The following DMD variants were observed in gnomAD, a reference collection of about 807,000 sequenced individuals.
The protein encoded by DMD is dystrophin.
A neutral mutation model predicts 330.1 loss-of-function variants in DMD; 63 were observed. The ratio of observed to expected loss-of-function variants is 0.19; its 90% confidence interval spans 0.16 to 0.24. DMD has a LOEUF of 0.24. DMD is among the 10% of genes least tolerant of loss of function. DMD has a pLI of 1.00. For missense variants in DMD, 3,344 were observed against 2,684.1 expected (o/e 1.25, Z -5.43); for synonymous variants, 1,223 against 959.8 (o/e 1.27, Z -5.07).
chrX:32,630,592 G>A (rs1239085661), intron 11 of DMD, among the ~76,000 whole-genome samples: 2 of 110,739 alleles, frequency 1.8e-5, no homozygotes, highest in Non-Finnish European at 3.8e-5. Flanking sequence ...TCTCCTGCTT[G>A]ATCAATTCTT....
At chrX:31,556,978 G>C (rs1034062878) in intron 55 of DMD, among the ~76,000 whole-genome samples, 2 of 112,152 alleles carry the variant, frequency 1.8e-5, no homozygotes. Flanking sequence ...AGATACTGCA[G>C]GGGGCTACGA....
intron 51 of DMD, among the ~76,000 whole-genome samples, chrX:31,772,646 C>A (rs935086899): frequency 7.2e-5 from 8 of 111,294 alleles, no homozygotes; most frequent in African/African-American, 2.6e-4. Context: ...TACGTATACT[C>A]TCTGCAGTAG....
chrX:33,037,015 G>C (rs2147895380), intron 1 of DMD, among the ~76,000 whole-genome samples: 1 of 111,093 alleles, frequency 9.0e-6, no homozygotes, highest in East Asian at 2.8e-4. Context: ...AGAAGGAGAT[G>C]TGACAGAGAG....
At chrX:32,569,272 A>G (rs2052114531) in intron 15 of DMD, among the ~76,000 whole-genome samples, 1 of 112,085 alleles carries the variant, frequency 8.9e-6, no homozygotes, top group South Asian at 3.8e-4. Flanking sequence ...CACTCTCATC[A>G]GGAATACGCA....
Position 32,699,209 on chromosome X carries a change from A to T in DMD, c.734T>A (p.Ile245Asn). The T allele has an allele frequency of 8.3e-7, 1 of 1,209,533 alleles. No individual in the cohort carries two copies. Among genetic ancestry groups the T allele is most frequent in the Non-Finnish European group, 1.1e-6 (1 of 893,567 alleles). ...CATTTCCACTTCCTGGATGGCTTCA[A>T]TGCTCACTTGTTGAGGCAAAACTTG... ...LFQVLPQQVS[I>N]EAIQEVEMLP... Residue 245 changes from isoleucine (I) to asparagine (N), a missense_variant, in exon 8 of 79, where the codon ATT becomes AAT. Physicochemically the swap from Ile to Asn is moderately radical, Grantham distance 149. Transcript: ENST00000357033.
chrX:32,835,928 G>A (rs924473707), intron 4 of DMD, among the ~76,000 whole-genome samples: 1 of 109,724 alleles, frequency 9.1e-6, no homozygotes, highest in Non-Finnish European at 1.9e-5. Flanking sequence ...TTTAAACCAG[G>A]GTTTCTTTTC....
At chrX:32,033,540 C>G (rs1458174176) in intron 44 of DMD, among the ~76,000 whole-genome samples, 3 of 104,544 alleles carry the variant, frequency 2.9e-5, no homozygotes. Flanking sequence ...TGAGTTTTTT[C>G]CAAATTCCTT....
At chrX:31,368,151 G>A (rs1186271572) in intron 60 of DMD, among the ~76,000 whole-genome samples, 4 of 111,844 alleles carry the variant, frequency 3.6e-5, no homozygotes, top group South Asian at 7.5e-4. Flanking sequence ...CATGACATGG[G>A]AGCTTCCTGG....
intron 1 of DMD, among the ~76,000 whole-genome samples, chrX:33,118,081 A>G (rs1342282616): frequency 9.3e-6 from 1 of 107,644 alleles, no homozygotes; most frequent in African/African-American, 3.4e-5. Context: ...TGAGGATATC[A>G]GATGTGTTCA....
intron 1 of DMD, among the ~76,000 whole-genome samples, chrX:33,266,997 G>A (rs1355283264): frequency 9.1e-6 from 1 of 110,206 alleles, no homozygotes. Flanking sequence ...CCTAGCCACA[G>A]CAATTAGGCA....
At chrX:31,585,784 C>A (rs1445264475) in intron 55 of DMD, among the ~76,000 whole-genome samples, 1 of 111,546 alleles carries the variant, frequency 9.0e-6, no homozygotes, top group African/African-American at 3.3e-5. Context: ...ACAATAGTAT[C>A]CCCTGGGAAT....
At chrX:32,274,452 G>A (rs895445921) in intron 43 of DMD, among the ~76,000 whole-genome samples, 1 of 112,118 alleles carries the variant, frequency 8.9e-6, no homozygotes, top group Non-Finnish European at 1.9e-5. Flanking sequence ...ATCTGAAAAT[G>A]TTGAAGATAT....
At chrX:33,205,323 A>G (rs1186946662) in intron 1 of DMD, among the ~76,000 whole-genome samples, 1 of 112,446 alleles carries the variant, frequency 8.9e-6, no homozygotes, top group Non-Finnish European at 1.9e-5. Flanking sequence ...CCAACATAAA[A>G]AGGAATTACT....
At chrX:31,476,397 G>GTGTATATATA (rs796082098) in intron 59 of DMD, among the ~76,000 whole-genome samples, 47 of 88,313 alleles carry the variant, frequency 5.3e-4, no homozygotes, top group African/African-American at 1.9e-3. Context: ...GTGTGTGTGT[G>GTGTATATATA]TATATATATA....
chrX:32,424,591 G>A (rs2098203791), intron 29 of DMD, among the ~76,000 whole-genome samples: 1 of 111,263 alleles, frequency 9.0e-6, no homozygotes. Context: ...AGTAACTCAT[G>A]CTTAGGAGAG....
intron 2 of DMD, among the ~76,000 whole-genome samples, chrX:32,934,934 G>C (rs1157125448): frequency 8.9e-6 from 1 of 112,930 alleles, no homozygotes; most frequent in Non-Finnish European, 1.9e-5. Flanking sequence ...GTGTTCCTAT[G>C]CTTGAGCTTT....
chrX:32,513,626 A>T (rs1293457183), intron 18 of DMD, among the ~76,000 whole-genome samples: 1 of 111,749 alleles, frequency 8.9e-6, no homozygotes, highest in Admixed American at 9.5e-5. Context: ...GAAAGGAAGG[A>T]GAAAGAATAA....
At chrX:31,604,566 T>A (rs1024688171) in intron 55 of DMD, among the ~76,000 whole-genome samples, 3 of 112,148 alleles carry the variant, frequency 2.7e-5, no homozygotes, top group Non-Finnish European at 5.6e-5. Flanking sequence ...TTCTATACAG[T>A]CTTATGACCA....
chrX:31,730,810 T>C (rs921574995), intron 51 of DMD, among the ~76,000 whole-genome samples: 63 of 112,033 alleles, frequency 5.6e-4, no homozygotes, highest in African/African-American at 2.0e-3. Flanking sequence ...CCAGCAAGTT[T>C]GTATAATTTT....
Sources: allele counts gnomAD v4.1 joint callset (sites outside exome capture counted in the v4.1 genomes callset), GRCh38; gene constraint gnomAD v4.1.1; transcripts MANE v1.5; gene names NCBI Gene and HGNC (gene_info 2026-07-23, HGNC 2026-07-21).